PDE1C: variants seen among roughly 807,000 people sequenced by gnomAD.
PDE1C encodes dual specificity calcium/calmodulin-dependent 3',5'-cyclic nucleotide phosphodiesterase 1C.
A neutral mutation model predicts 93.1 loss-of-function variants in PDE1C; 62 were observed. The observed-to-expected ratio is 0.67, with a 90% CI of 0.54 to 0.82. The LOEUF is 0.82. Among genes scored for constraint, PDE1C ranks in the 40% least tolerant of loss-of-function variants. PDE1C has a pLI of 0.00. For synonymous variants in PDE1C, 325 were observed against 310.1 expected (o/e 1.05, Z -0.50); for missense variants, 742 against 884.6 (o/e 0.84, Z 2.04).
upstream of PDE1C, chr7:32,070,735 C>T (rs144385029): frequency 1.5e-5 from 17 of 1,114,002 alleles, no homozygotes; most frequent in East Asian, 1.2e-3. Context: ...TCTCCCCCTA[C>T]CCCCAAACAA....
intron 1 of PDE1C, among the ~76,000 whole-genome samples, chr7:32,317,854 C>T (rs1036689112): frequency 3.3e-5 from 5 of 152,196 alleles, no homozygotes; most frequent in Non-Finnish European, 7.3e-5. Context: ...AGTAACCACT[C>T]AGTAAATATC....
At chr7:32,336,385 C>T (rs529528253) in intron 1 of PDE1C, among the ~76,000 whole-genome samples, 1 of 152,266 alleles carries the variant, frequency 6.6e-6, no homozygotes, top group African/African-American at 2.4e-5. Flanking sequence ...ATTGTTTATA[C>T]ACTTATTTGA....
At chr7:32,057,156 T>C (rs1794227786) in intron 1 of PDE1C, among the ~76,000 whole-genome samples, 1 of 152,234 alleles carries the variant, frequency 6.6e-6, no homozygotes, top group African/African-American at 2.4e-5. Context: ...GAAAGTCCTT[T>C]TTATCAATAA....
intron 1 of PDE1C, among the ~76,000 whole-genome samples, chr7:32,062,629 T>C (rs1412799061): frequency 6.6e-6 from 1 of 152,194 alleles, no homozygotes; most frequent in Non-Finnish European, 1.5e-5. Context: ...TCTTCTATGT[T>C]TTCACAGCTC....
At position 31,828,325 on chromosome 7, in the gene PDE1C, G is replaced by A. The variant is rs200910215; in HGVS notation, c.1252C>T (p.Arg418Ter). The A allele has an allele frequency of 8.7e-6, 14 of 1,612,340 alleles. No homozygotes were observed. The highest frequency in any genetic ancestry group is 1.2e-5 in the Non-Finnish European group (14 of 1,178,820). ...GACTGAGCAACCATAGTGGACTTTC[G>A]GTCACACAGAGGAGAAAAAGGCAGC... ...LGLPFSPLCD[R>*]KSTMVAQSQV... The change falls in exon 12 of 18, where the codon CGA becomes TGA. Residue 418 changes from arginine (R) to a stop codon, truncating the protein, a stop_gained. Coordinates refer to ENST00000396191, the MANE Select transcript of PDE1C (RefSeq NM_001191057.4). LOFTEE classifies it high-confidence loss of function.
Position 31,885,089 on chromosome 7 carries a change from T to C in PDE1C, c.129-4229A>G, listed in dbSNP as rs537903016. ...AGGTCCCATGGTATGCTGCAGCCTATATTTTGGGAAAGATGGAGATCTGGT... is the reference window on the plus strand; with the variant it reads ...AGGTCCCATGGTATGCTGCAGCCTACATTTTGGGAAAGATGGAGATCTGGT... On this transcript the variant is annotated intron_variant, in intron 2 of 17. Coordinates refer to ENST00000396191, the MANE Select transcript of PDE1C (RefSeq NM_001191057.4). Among the ~76,000 whole-genome samples the C allele has an allele frequency of 7.9e-5, 12 of 152,284 alleles. No homozygotes were observed. In the South Asian group the frequency reaches 2.5e-3, roughly 32 times the overall value.
At chr7:32,219,806 A>T (rs1053127679) in intron 1 of PDE1C, among the ~76,000 whole-genome samples, 1 of 152,180 alleles carries the variant, frequency 6.6e-6, no homozygotes, top group Non-Finnish European at 1.5e-5. Context: ...ACAGAAATAC[A>T]ATATTGATAT....
At chr7:31,969,112 A>C (rs1283603019) in intron 2 of PDE1C, among the ~76,000 whole-genome samples, 1 of 152,224 alleles carries the variant, frequency 6.6e-6, no homozygotes, top group Non-Finnish European at 1.5e-5. Flanking sequence ...AATGGCAACA[A>C]AAGCCAAAGT....
intron 2 of PDE1C, among the ~76,000 whole-genome samples, chr7:32,181,970 C>T (rs1803472272): frequency 6.6e-6 from 1 of 152,154 alleles, no homozygotes; most frequent in African/African-American, 2.4e-5. Context: ...CAGGGGATAT[C>T]ACCACCAATC....
intron 2 of PDE1C, among the ~76,000 whole-genome samples, chr7:32,200,994 T>C (rs116719374): frequency 7.2e-5 from 11 of 152,246 alleles, no homozygotes; most frequent in Admixed American, 1.3e-4. Context: ...CCTCTCCCCA[T>C]GTAGATGTTA....
At chr7:32,327,815 TTGTGTCTGG>T (rs1783435393) in intron 1 of PDE1C, among the ~76,000 whole-genome samples, 1 of 38,672 alleles carries the variant, frequency 2.6e-5, no homozygotes, top group Non-Finnish European at 1.1e-4. Flanking sequence ...GTGGCTTCTT[TTGTGTCTGG>T]CTTCTTTCAC....
At chr7:32,155,368 T>G (rs994486528) in intron 3 of PDE1C, among the ~76,000 whole-genome samples, 2 of 152,220 alleles carry the variant, frequency 1.3e-5, no homozygotes, top group South Asian at 4.1e-4. Flanking sequence ...GCTTAACACA[T>G]AGAGCTTGTA....
intron 2 of PDE1C, among the ~76,000 whole-genome samples, chr7:31,917,941 A>C (rs1235340639): frequency 6.6e-6 from 1 of 152,208 alleles, no homozygotes; most frequent in Non-Finnish European, 1.5e-5. Flanking sequence ...AAATAACACT[A>C]GAGTAAATAA....
chr7:32,395,792 T>C (rs73305809), intron 1 of PDE1C, among the ~76,000 whole-genome samples: 7,117 of 152,278 alleles, frequency 0.047, 338 homozygotes, highest in African/African-American at 0.13. Flanking sequence ...TAAAATTTGT[T>C]AGAGATATAA....
At chr7:31,621,555 C>G in the PDE1C span, among the ~76,000 whole-genome samples, 1 of 147,374 alleles carries the variant, frequency 6.8e-6, no homozygotes, top group African/African-American at 2.5e-5. Context: ...CAAGCAAATG[C>G]TGAGAGATTT....
At chr7:31,770,672 G>C (rs11763575) in intron 17 of PDE1C, among the ~76,000 whole-genome samples, 1 of 151,896 alleles carries the variant, frequency 6.6e-6, no homozygotes, top group Non-Finnish European at 1.5e-5. Context: ...CACCATGCCC[G>C]GCTAATTTTT....
chr7:31,830,509 G>A (rs1440809167), intron 11 of PDE1C, among the ~76,000 whole-genome samples: 1 of 152,152 alleles, frequency 6.6e-6, no homozygotes, highest in Non-Finnish European at 1.5e-5. Flanking sequence ...GGAAGATAAT[G>A]AATATTTGTT....
At chr7:32,260,410 A>G (rs1469980326) in intron 1 of PDE1C, among the ~76,000 whole-genome samples, 1 of 152,222 alleles carries the variant, frequency 6.6e-6, no homozygotes, top group East Asian at 1.9e-4. Context: ...GCACTGTGAG[A>G]TGACGTATGT....
rs546904674 is a variant in PDE1C at position 31,786,393 on chromosome 7, A to C, written c.1892-10661T>G. On this transcript the variant is annotated intron_variant, in intron 16 of 17. Coordinates refer to ENST00000396191, the MANE Select transcript of PDE1C (RefSeq NM_001191057.4). Reference sequence around the variant, plus strand: ...TGACAATTTCTCCCAAATTACCTGCAATTTCCTATCTCTGGTAATAAGCTA... The same window carrying C: ...TGACAATTTCTCCCAAATTACCTGCCATTTCCTATCTCTGGTAATAAGCTA... 2.6e-5 allele frequency: 4 copies of C among 152,190 alleles called. No homozygotes were observed. In the East Asian group the frequency reaches 7.7e-4, roughly 29 times the overall value. 9.4% of individuals were successfully genotyped at this position (152,190 alleles called of 1,614,324 possible).
Sources: gnomAD v4.1 joint callset for allele counts (sites outside exome capture counted in the v4.1 genomes callset) on GRCh38, gnomAD v4.1.1 for gene constraint, MANE v1.5 for transcripts, NCBI Gene and HGNC (gene_info 2026-07-23, HGNC 2026-07-21) for gene names.